The following GLG1 variants were observed in gnomAD, a reference collection of about 807,000 sequenced individuals.
The protein encoded by GLG1 is Golgi apparatus protein 1.
GLG1 carries 38 observed loss-of-function variants against 160.5 expected under a neutral mutation model. The observed-to-expected ratio is 0.24, with a 90% CI of 0.18 to 0.31. The LOEUF is 0.31. GLG1 is among the 10% of genes least tolerant of loss of function. The pLI, the probability that GLG1 is intolerant of heterozygous loss-of-function variation, is 1.00. For missense variants in GLG1, 1,373 were observed against 1,505.2 expected, an observed-to-expected ratio of 0.91 and a Z score of 1.45; for synonymous variants, 644 against 543.4, an observed-to-expected ratio of 1.19 and a Z score of -2.57.
intron 11 of GLG1, 40 bp from the exon 12 acceptor site, chr16:74,477,573 A>G (rs1317372082): frequency 6.5e-7 from 1 of 1,536,546 alleles, no homozygotes; most frequent in Non-Finnish European, 8.9e-7. Flanking sequence ...GAAAGGTAAC[A>G]AAACAAAAAC....
Position 74,589,167 on chromosome 16 carries a change from A to C in GLG1, c.438+17490T>G, listed in dbSNP as rs144950359. Among the ~76,000 whole-genome samples the C allele has an allele frequency of 1.2e-3, 176 of 152,156 alleles. 1 individual carries two copies. Among genetic ancestry groups the C allele is most frequent in the Middle Eastern group, 6.8e-3 (2 of 294 alleles). On this transcript the variant is annotated intron_variant, in intron 1 of 25. Coordinates refer to ENST00000422840, the MANE Select transcript of GLG1 (RefSeq NM_001145667.2). ...CTACTCGAGAGGCTGAGGCAGGAGA[A>C]TCACTTGAACCCAGGAGGCAGAGGT...
At chr16:74,508,808 T>G (rs1375356103) in intron 3 of GLG1, 31 bp downstream of exon 3, 1 of 873,588 alleles carries the variant, frequency 1.1e-6, no homozygotes, top group African/African-American at 1.6e-5. Context: ...TCTAAGCCAT[T>G]AGTTGTCTAC....
chr16:74,581,534 TAAAAAAAAAA>T (rs33982914), intron 1 of GLG1, among the ~76,000 whole-genome samples: 1 of 132,044 alleles, frequency 7.6e-6, no homozygotes, highest in African/African-American at 2.8e-5. Context: ...ATGTAAGATT[TAAAAAAAAAA>T]AAAAAAAAGG....
At position 74,535,580 on chromosome 16, in the gene GLG1, G is replaced by A. The variant is rs574105856; in HGVS notation, c.439-3427C>T. ...CCCTAGTAGCTGAGACTAAAGGTAT[G>A]TGCCATGATAGCTGGTTAATTTTTT... On this transcript the variant is annotated intron_variant, in intron 1 of 25. Transcript: ENST00000422840. Among the ~76,000 whole-genome samples the A allele has an allele frequency of 1.3e-3, 195 of 152,252 alleles. 2 individuals are homozygous for A. Among genetic ancestry groups the A allele is most frequent in the African/African-American group, 4.6e-3 (191 of 41,550 alleles).
At chr16:74,513,592 T>C (rs993385908) in intron 2 of GLG1, among the ~76,000 whole-genome samples, 5 of 151,978 alleles carry the variant, frequency 3.3e-5, no homozygotes, top group South Asian at 2.1e-4. Flanking sequence ...CAGAAAGGAA[T>C]AGCATCAACA....
intron 2 of GLG1, among the ~76,000 whole-genome samples, chr16:74,517,699 G>A (rs778554142): frequency 9.9e-5 from 15 of 152,150 alleles, no homozygotes; most frequent in Non-Finnish European, 2.1e-4. Context: ...GTTCAGGCCA[G>A]GGCAATCAGG....
intron 2 of GLG1, among the ~76,000 whole-genome samples, chr16:74,520,995 T>C (rs1034128561): frequency 1.3e-5 from 2 of 152,168 alleles, no homozygotes; most frequent in African/African-American, 2.4e-5. Flanking sequence ...TGTCAGGTGA[T>C]AAGCTAGGGC....
At chr16:74,473,389 T>C (rs1373343832) in intron 13 of GLG1, among the ~76,000 whole-genome samples, 1 of 151,936 alleles carries the variant, frequency 6.6e-6, no homozygotes, top group Non-Finnish European at 1.5e-5. Flanking sequence ...AATTTTTGTA[T>C]TTTTAGTAGA....
At chr16:74,478,250 A>G (rs1214509122) in intron 11 of GLG1, among the ~76,000 whole-genome samples, 2 of 152,322 alleles carry the variant, frequency 1.3e-5, no homozygotes, top group Middle Eastern at 3.4e-3. Flanking sequence ...TCAAGAGAGC[A>G]TATACACTTG....
intron 3 of GLG1, among the ~76,000 whole-genome samples, chr16:74,506,029 TAAAA>T (rs59306961): frequency 0.78 from 72,067 of 92,392 alleles, 28,139 homozygotes; most frequent in East Asian, 0.93. Context: ...GACTCCATCT[TAAAA>T]AAAAAAAAAA....
At chr16:74,482,874 A>ATAGTT (rs1464141268) in intron 10 of GLG1, 149 bp downstream of exon 10, 17 of 624,678 alleles carry the variant, frequency 2.7e-5, no homozygotes, top group Non-Finnish European at 4.6e-5. Context: ...GTGATAAAGA[A>ATAGTT]TAGTTTTTCA....
At chr16:74,590,553 G>A (rs1453228211) in intron 1 of GLG1, among the ~76,000 whole-genome samples, 20 of 150,134 alleles carry the variant, frequency 1.3e-4, no homozygotes, top group African/African-American at 4.4e-4. Flanking sequence ...TCCAGGAGGC[G>A]GAGCTTCCAG....
chr16:74,577,039 A>G (rs531619048), intron 1 of GLG1, among the ~76,000 whole-genome samples: 6 of 151,916 alleles, frequency 3.9e-5, no homozygotes, highest in Admixed American at 1.3e-4. Context: ...CTCTTGCCTC[A>G]GCCTTCCAGG....
intron 1 of GLG1, among the ~76,000 whole-genome samples, chr16:74,594,503 A>C (rs1958256518): frequency 6.6e-6 from 1 of 151,950 alleles, no homozygotes. Context: ...GTTCCTTCAC[A>C]CTCTATTTTA....
chr16:74,468,917 T>C (rs1567462101), intron 17 of GLG1, 29 bp downstream of exon 17: 2 of 1,390,254 alleles, frequency 1.4e-6, no homozygotes, highest in East Asian at 2.3e-5. Context: ...CCACTGTGGT[T>C]TCTGGGAGCA....
intron 3 of GLG1, among the ~76,000 whole-genome samples, chr16:74,505,210 G>T (rs1406171341): frequency 3.9e-5 from 6 of 152,156 alleles, no homozygotes; most frequent in African/African-American, 1.4e-4. Context: ...TATCCTATAG[G>T]CAACAGGTTG....
intron 1 of GLG1, among the ~76,000 whole-genome samples, chr16:74,593,098 C>A (rs1334498129): frequency 6.6e-6 from 1 of 152,152 alleles, no homozygotes; most frequent in Non-Finnish European, 1.5e-5. Flanking sequence ...TGGCCCTCAC[C>A]AGATATGGCC....
intron 2 of GLG1, among the ~76,000 whole-genome samples, chr16:74,522,887 GTTGCT>G (rs2017214606): frequency 1.3e-5 from 2 of 152,136 alleles, no homozygotes; most frequent in Admixed American, 1.3e-4. Flanking sequence ...GTTTCACCAT[GTTGCT>G]CAGGCTGGTC....
In GLG1 at chr16:74,453,281, T is replaced by C; in HGVS notation, c.3426A>G (p.Pro1142=). The C allele has an allele frequency of 1.9e-6, 3 of 1,613,860 alleles. No individual in the cohort carries two copies. Among genetic ancestry groups the C allele is most frequent in the Non-Finnish European group, 2.5e-6 (3 of 1,179,774 alleles). ...TCACAGAGAGAATGTAGTTCTTAGA[T>C]GGAGACGTCATTACTTGCATGGCAA... The part of the protein sequence containing the change: ...SDLAMQVMTS[P]SKNYILSVIS... Residue 1142 remains proline (P), a synonymous_variant, in exon 26 of 26, where the codon CCA becomes CCG. Coordinates refer to ENST00000422840, the MANE Select transcript of GLG1 (RefSeq NM_001145667.2).
Sources: allele counts gnomAD v4.1 joint callset (sites outside exome capture counted in the v4.1 genomes callset), GRCh38; gene constraint gnomAD v4.1.1; transcripts MANE v1.5; gene names NCBI Gene and HGNC (gene_info 2026-07-23, HGNC 2026-07-21).